TBCD: variants seen among roughly 807,000 people sequenced by gnomAD.
TBCD encodes tubulin folding cofactor D, also known as tubulin-specific chaperone D.
In TBCD, 105 loss-of-function variants were observed where a neutral mutation model predicts 169.3. The ratio of observed to expected loss-of-function variants is 0.62; its 90% CI spans 0.53 to 0.73. The LOEUF (loss-of-function observed/expected upper bound fraction) is 0.73. TBCD is among the 30% of genes least tolerant of loss of function. The probability of loss-of-function intolerance (pLI) is 0.00; values close to 1 mark genes in which losing one functional copy is unlikely to be tolerated. For synonymous variants in TBCD, 700 were observed against 643.9 expected, an observed-to-expected ratio of 1.09 and a Z score of -1.32; for missense variants, 1,444 against 1,600.1, an observed-to-expected ratio of 0.90 and a Z score of 1.66.
At chr17:82,794,886 G>A (rs1187050303) in intron 7 of TBCD, among the ~76,000 whole-genome samples, 1 of 152,234 alleles carries the variant, frequency 6.6e-6, no homozygotes, top group Non-Finnish European at 1.5e-5. Context: ...AGAGAGAAGT[G>A]TGAGGAGAAA....
chr17:82,779,978 A>G (rs1438066359), intron 6 of TBCD, among the ~76,000 whole-genome samples: 1 of 152,134 alleles, frequency 6.6e-6, no homozygotes, highest in Non-Finnish European at 1.5e-5. Context: ...CCCTCCTGGC[A>G]TCACTGCCGT....
chr17:82,927,065 G>A (rs535251281), intron 28 of TBCD, 121 bp from the exon 29 acceptor site: 37 of 1,390,906 alleles, frequency 2.7e-5, no homozygotes, highest in South Asian at 4.2e-5. Flanking sequence ...TGATCTACCC[G>A]AGGGTCCTGG....
At chr17:82,939,021 G>C in intron 36 of TBCD, 1 of 390,000 alleles carries the variant, frequency 2.6e-6, no homozygotes, top group Non-Finnish European at 4.7e-6. Flanking sequence ...TAGCAGGCGA[G>C]ATTGCTTCTC....
intron 13 of TBCD, among the ~76,000 whole-genome samples, chr17:82,853,886 G>T (rs1332731365): frequency 6.6e-6 from 1 of 151,848 alleles, no homozygotes; most frequent in Non-Finnish European, 1.5e-5. Flanking sequence ...TATGAATTTT[G>T]CTTTTTCAGA....
Position 82,805,958 on chromosome 17 carries a change from CCGAAGATGACGA to C in TBCD, c.1049_1060del (p.Glu350_Asp353del), listed in dbSNP as rs369822408. The C allele has an allele frequency of 8.7e-5, 140 of 1,613,838 alleles. No homozygotes were observed. In the African/African-American group the frequency reaches 1.2e-3, roughly 14 times the overall value. On this transcript the variant is annotated inframe_deletion, in exon 10 of 39. Transcript: ENST00000355528. ...AGTGAGCAGAAGCCACTCATCCTGA[CCGAAGATGACGA>C]CGAAGATGACGACGTCCCAGAGGGG... is the stretch of plus-strand genomic sequence containing the variant.
intron 17 of TBCD, among the ~76,000 whole-genome samples, chr17:82,899,446 G>A (rs1270960920): frequency 4.6e-5 from 7 of 150,652 alleles, no homozygotes; most frequent in Admixed American, 2.0e-4. Flanking sequence ...TGCGCCTGGG[G>A]CCCGTCCTCA....
chr17:82,821,261 A>G (rs1223474147), intron 13 of TBCD, among the ~76,000 whole-genome samples: 1 of 152,148 alleles, frequency 6.6e-6, no homozygotes, highest in Non-Finnish European at 1.5e-5. Flanking sequence ...CTGTCTCTTT[A>G]TCAACATTCC....
Position 82,806,076 on chromosome 17 carries a change from A to G in TBCD, c.1087+65A>G. ...CGTCGGGCCAATTCCCCTCTACTCC[A>G]GGACCACACTTCCTTCTTCCTTGCT... On this transcript the variant is annotated intron_variant, in intron 10 of 38. Transcript: ENST00000355528. The surrounding 1 kb of genome is among the most constrained non-coding windows in gnomAD (Gnocchi z 5.1). 6.3e-7 allele frequency: 1 copy of G among 1,580,218 alleles called. No individual in the cohort carries two copies. The highest frequency in any genetic ancestry group is 8.6e-7 in the Non-Finnish European group (1 of 1,157,798).
chr17:82,923,060 G>A lies in TBCD; in HGVS notation c.2179-592G>A, dbSNP rs1568051365. ...CTCCTGCTGTCCGGCCCCAACTCCTGTTCCCAGTGCGCCCCCGGAGCCCTG... is the reference window on the plus strand; with the variant it reads ...CTCCTGCTGTCCGGCCCCAACTCCTATTCCCAGTGCGCCCCCGGAGCCCTG... On this transcript the variant is annotated intron_variant, in intron 25 of 38. Coordinates refer to ENST00000355528, the MANE Select transcript of TBCD (RefSeq NM_005993.5). This position sits in a 1 kb window ranked among gnomAD's most constrained non-coding sequence, Gnocchi z 4.6. Among the ~76,000 whole-genome samples the A allele has an allele frequency of 6.6e-6, 1 of 152,224 alleles. No individual in the cohort carries two copies. The highest frequency in any genetic ancestry group is 2.4e-5 in the African/African-American group (1 of 41,462).
At chr17:82,917,858 T>G (rs1002120226) in intron 23 of TBCD, among the ~76,000 whole-genome samples, 1 of 152,080 alleles carries the variant, frequency 6.6e-6, no homozygotes, top group Non-Finnish European at 1.5e-5. Context: ...CCCCCTGGAG[T>G]CAGCCGTGAG....
At chr17:82,927,694 G>C (rs1032048807) in intron 29 of TBCD, among the ~76,000 whole-genome samples, 24 of 152,202 alleles carry the variant, frequency 1.6e-4, no homozygotes, top group African/African-American at 5.8e-4. Flanking sequence ...TCGGGGCCCC[G>C]GTGTGTGTGG....
intron 15 of TBCD, among the ~76,000 whole-genome samples, chr17:82,887,171 G>GCA (rs2058801778): frequency 1.5e-5 from 1 of 66,310 alleles, no homozygotes; most frequent in African/African-American, 9.7e-5. Context: ...GTGTGTGTGC[G>GCA]CGCGCGCGCA....
intron 1 of TBCD, among the ~76,000 whole-genome samples, chr17:82,753,447 C>CTTTTTTTTTTTTTTTTTTTTTTTTTTTTT (rs59839519): frequency 9.6e-6 from 1 of 104,294 alleles, no homozygotes; most frequent in Non-Finnish European, 1.8e-5. Context: ...TGGCTTCTTC[C>CTTTTTTTTTTTTTTTTTTTTTTTTTTTTT]TTTTTTTTTT....
chr17:82,942,340 C>A, intron 38 of TBCD, 109 bp from the exon 39 acceptor site: 1 of 1,513,268 alleles, frequency 6.6e-7, no homozygotes, highest in Non-Finnish European at 9.1e-7. Flanking sequence ...TGGTTTCCTG[C>A]AGGAACCGTG....
rs866172610 is a variant in TBCD at position 82,752,114 on chromosome 17, C to T, written c.-80C>T. 1.2e-5 allele frequency: 17 copies of T among 1,387,468 alleles called. No individual in the cohort carries two copies. Among genetic ancestry groups the T allele is most frequent in the Middle Eastern group, 5.2e-4 (2 of 3,828 alleles). The allele number at this position is 1,387,468 out of a possible 1,614,324, so 85.9% of individuals were successfully genotyped here. On this transcript the variant is annotated 5_prime_UTR_variant, in exon 1 of 39. Transcript: ENST00000355528. ...GGGCGCCTCCTTTTCATCCCTCATC[C>T]TTCATCCCTGGCTTTCGCGCTCTAG... is the stretch of plus-strand genomic sequence containing the variant.
intron 13 of TBCD, chr17:82,830,802 A>G: frequency 2.5e-6 from 4 of 1,613,502 alleles, no homozygotes; most frequent in Non-Finnish European, 3.4e-6. Flanking sequence ...TGTCGTCCGG[A>G]CTGGAAGGCG....
chr17:82,815,476 C>T (rs913778960), intron 13 of TBCD, among the ~76,000 whole-genome samples: 4 of 152,196 alleles, frequency 2.6e-5, no homozygotes, highest in African/African-American at 9.7e-5. Context: ...GGGTGGAGGG[C>T]CAGGGGAGCT....
chr17:82,889,448 T>C lies in TBCD; in HGVS notation c.1534-220T>C, dbSNP rs1441366269. On this transcript the variant is annotated intron_variant, in intron 15 of 38. Transcript: ENST00000355528. This position sits in a 1 kb window ranked among gnomAD's most constrained non-coding sequence, Gnocchi z 5.3. Reference sequence around the variant, plus strand: ...TAAAGGCCACTTTTCAGGATGTGTCTGATTTTATAAACTTGAATTCTTAAA... The same window carrying C: ...TAAAGGCCACTTTTCAGGATGTGTCCGATTTTATAAACTTGAATTCTTAAA... 6.6e-6 allele frequency among the ~76,000 whole-genome samples: 1 copy of C among 152,216 alleles called. No homozygotes were observed. Among genetic ancestry groups the C allele is most frequent in the Admixed American group, 6.5e-5 (1 of 15,288 alleles).
At chr17:82,846,882 G>T (rs1478625667) in intron 13 of TBCD, among the ~76,000 whole-genome samples, 1 of 152,154 alleles carries the variant, frequency 6.6e-6, no homozygotes, top group African/African-American at 2.4e-5. Context: ...CGGGCCTCGG[G>T]TGTCTGGTCT....
Sources: gnomAD v4.1 joint callset for allele counts (sites outside exome capture counted in the v4.1 genomes callset) on GRCh38, gnomAD v4.1.1 for gene constraint, Gnocchi (gnomAD v3.1) non-coding constraint, MANE v1.5 for transcripts, NCBI Gene and HGNC (gene_info 2026-07-23, HGNC 2026-07-21) for gene names.